NOC3L: variants seen among roughly 807,000 people sequenced by gnomAD.
NOC3L encodes the protein NOC3 like DNA replication regulator.
A neutral mutation model predicts 102.5 loss-of-function variants in NOC3L; 85 were observed. That is an observed-to-expected ratio of 0.83 (90% confidence interval 0.70 to 0.99). The LOEUF (loss-of-function observed/expected upper bound fraction) is 0.99. Among genes scored for constraint, NOC3L ranks in the 50% least tolerant of loss-of-function variants. The pLI is 0.00. For synonymous variants in NOC3L, 303 were observed against 309.4 expected (o/e 0.98, Z 0.22); for missense variants, 878 against 914.9 (o/e 0.96, Z 0.52).
chr10:94,332,286 G>A (rs1162847677), downstream of NOC3L: 3 of 152,126 alleles, frequency 2.0e-5, no homozygotes. Flanking sequence ...TTTGACACAA[G>A]TAATTCTAAC....
At chr10:94,334,571 T>C in intron 20 of NOC3L, 63 bp downstream of exon 20, 2 of 1,186,960 alleles carry the variant, frequency 1.7e-6, no homozygotes, top group Non-Finnish European at 2.4e-6. Context: ...AAACTGGAGT[T>C]AGAGTTATTG....
chr10:94,334,831 A>G, intron 19 of NOC3L, 113 bp from the exon 20 acceptor site: 1 of 749,272 alleles, frequency 1.3e-6, no homozygotes, highest in Non-Finnish European at 2.2e-6. Context: ...AAGGTATAAG[A>G]TTTGAAACTA....
In NOC3L at chr10:94,346,765, G is replaced by A. The variant is rs114318731; in HGVS notation, c.1258-209C>T. 7.2e-3 allele frequency among the ~76,000 whole-genome samples: 1,096 copies of A among 152,136 alleles called. 10 individuals carry two copies. Among genetic ancestry groups the A allele is most frequent in the African/African-American group, 0.025 (1,020 of 41,522 alleles). ...AAGGACGGGAGCAAACATACAAAAC[G>A]GACGCTAGCAAATACTAACTAAATA... On this transcript the variant is annotated intron_variant, in intron 10 of 20. Transcript: ENST00000371361.
chr10:94,361,498 G>T, intron 2 of NOC3L, 167 bp downstream of exon 2: 3 of 605,838 alleles, frequency 5.0e-6, no homozygotes, highest in Middle Eastern at 3.2e-4. Flanking sequence ...TACTGACTGT[G>T]ATAAAGCATA....
rs568082015 is a variant in NOC3L at position 94,340,774 on chromosome 10, G to A, written c.1645-278C>T. 2.1e-3 allele frequency among the ~76,000 whole-genome samples: 321 copies of A among 152,094 alleles called. 2 individuals are homozygous for A. The highest frequency in any genetic ancestry group is 6.8e-3 in the African/African-American group (281 of 41,482). On this transcript the variant is annotated intron_variant, in intron 14 of 20. Transcript: ENST00000371361. ...AGGCGGGCAGATCACGAGGTCAGGA[G>A]ATCAAGACCATCCTGGCTAACACGG...
At chr10:94,340,834 A>C (rs2054274987) in intron 14 of NOC3L, among the ~76,000 whole-genome samples, 3 of 151,664 alleles carry the variant, frequency 2.0e-5, no homozygotes, top group Non-Finnish European at 4.4e-5. Flanking sequence ...ACAAAAAATT[A>C]ACCGGGCATG....
chr10:94,356,794 T>C (rs1024244532), intron 4 of NOC3L, among the ~76,000 whole-genome samples: 3 of 152,204 alleles, frequency 2.0e-5, no homozygotes, highest in South Asian at 4.1e-4. Flanking sequence ...AGTAGTTTTA[T>C]AGGTATGCGC....
At chr10:94,340,870 A>G (rs35348430) in intron 14 of NOC3L, among the ~76,000 whole-genome samples, 19,328 of 151,190 alleles carry the variant, frequency 0.13, 1,321 homozygotes, top group Middle Eastern at 0.26. Flanking sequence ...AGTCCCAGCT[A>G]CTCGGGAGGC....
chr10:94,321,634 A>C, the NOC3L span, among the ~76,000 whole-genome samples: 1 of 151,958 alleles, frequency 6.6e-6, no homozygotes, highest in Non-Finnish European at 1.5e-5. Flanking sequence ...TCTCAGAAAA[A>C]AAAAAAAAAA....
chr10:94,335,166 C>G (rs2054204335), intron 19 of NOC3L, among the ~76,000 whole-genome samples: 1 of 152,148 alleles, frequency 6.6e-6, no homozygotes, highest in Non-Finnish European at 1.5e-5. Context: ...ATGTCTATAC[C>G]CATGGCGTGT....
intron 11 of NOC3L, among the ~76,000 whole-genome samples, chr10:94,345,980 A>C (rs1209225690): frequency 1.3e-5 from 2 of 152,212 alleles, no homozygotes; most frequent in African/African-American, 2.4e-5. Flanking sequence ...AAAATAAATA[A>C]ATAAATAAAT....
chr10:94,357,391 C>T (rs2054501549), intron 3 of NOC3L, 60 bp from the exon 4 acceptor site: 2 of 1,381,452 alleles, frequency 1.4e-6, no homozygotes, highest in Non-Finnish European at 1.9e-6. Flanking sequence ...TATCTAGAGA[C>T]CTATCATTTC....
intron 18 of NOC3L, among the ~76,000 whole-genome samples, chr10:94,338,346 G>A (rs1349173791): frequency 6.6e-6 from 1 of 151,948 alleles, no homozygotes; most frequent in African/African-American, 2.4e-5. Context: ...TTTCAATAAA[G>A]GGAAAGGTTT....
intron 20 of NOC3L, 127 bp downstream of exon 20, chr10:94,334,507 C>T: frequency 1.4e-6 from 1 of 711,396 alleles, no homozygotes; most frequent in Non-Finnish European, 2.3e-6. Context: ...AGAAATCCAT[C>T]CTATGATGAA....
chr10:94,332,765 CAAAGT>C (rs1451495166), downstream of NOC3L: 5 of 151,988 alleles, frequency 3.3e-5, no homozygotes, highest in South Asian at 2.1e-4. Flanking sequence ...TTTCTGCTGC[CAAAGT>C]AAAGTATAAA....
In NOC3L at chr10:94,344,925, T is replaced by C; in HGVS notation, c.1398A>G (p.Lys466=). The C allele has an allele frequency of 6.2e-7, 1 of 1,608,802 alleles. No homozygotes were observed. The highest frequency in any genetic ancestry group is 8.5e-7 in the Non-Finnish European group (1 of 1,178,860). ...GCTCTCGCTCTAGTTTCTCTTCTGC[T>C]TTCTTCCACTGAAAATAGATTGAAA... The part of the protein sequence containing the change: ...SLSRMQRKWK[K]AEEKLERELR... Residue 466 remains lysine (K), a synonymous_variant, in exon 12 of 21, where the codon AAA becomes AAG. Coordinates refer to ENST00000371361, the MANE Select transcript of NOC3L (RefSeq NM_022451.11).
chr10:94,353,106 T>C, intron 6 of NOC3L, 49 bp from the exon 7 acceptor site: 2 of 1,496,824 alleles, frequency 1.3e-6, no homozygotes, highest in Non-Finnish European at 1.8e-6. Flanking sequence ...ACGAAACAAT[T>C]ATGAACAAAA....
rs1419726310 is a variant in NOC3L, at chr10:94,334,385, G to C, written c.2275-80C>G. 4 of 875,004 alleles carry C rather than the reference G, an allele frequency of 4.6e-6. No homozygotes were observed. The East Asian group carries it at 9.7e-5, about 21-fold the overall frequency. The allele number at this position is 875,004 out of a possible 1,614,324, so 54.2% of individuals were successfully genotyped here. ...CAACCTGTGAACCAAGTTGAAAATG[G>C]CAACAGCTGACACCAACACATGCAA... On this transcript the variant is annotated intron_variant, in intron 20 of 20. Coordinates refer to ENST00000371361, the MANE Select transcript of NOC3L (RefSeq NM_022451.11).
At chr10:94,352,680 G>T (rs967993729) in intron 7 of NOC3L, among the ~76,000 whole-genome samples, 2 of 152,054 alleles carry the variant, frequency 1.3e-5, no homozygotes, top group Non-Finnish European at 2.9e-5. Context: ...AAATTAGCTG[G>T]GCCTGGTGGC....
Sources: allele counts gnomAD v4.1 joint callset (sites outside exome capture counted in the v4.1 genomes callset), GRCh38; gene constraint gnomAD v4.1.1; transcripts MANE v1.5; gene names NCBI Gene and HGNC (gene_info 2026-07-23, HGNC 2026-07-21).